ULK1: variants seen among roughly 807,000 people sequenced by gnomAD.
ULK1 encodes the protein serine/threonine-protein kinase ULK1.
ULK1 carries 48 observed loss-of-function variants against 117.5 expected under a neutral mutation model. The observed-to-expected ratio is 0.41, with a 90% CI of 0.32 to 0.52. The LOEUF (loss-of-function observed/expected upper bound fraction) is 0.52, where lower values mean the gene tolerates loss of function less well. Ranked by LOEUF, ULK1 falls within the 20% of genes least tolerant of loss-of-function variation. The pLI, the probability that ULK1 is intolerant of heterozygous loss-of-function variation, is 0.29. For missense variants in ULK1, 1,387 were observed against 1,473.4 expected (o/e 0.94, Z 0.96); for synonymous variants, 790 against 637.8 (o/e 1.24, Z -3.60).
intron 6 of ULK1, 35 bp downstream of exon 6, chr12:131,908,852 G>A: frequency 1.9e-6 from 3 of 1,606,590 alleles, no homozygotes; most frequent in Non-Finnish European, 2.5e-6. Context: ...GCCCGGCGGG[G>A]AGGGGCTCCG....
At chr12:131,905,125 C>G (rs534431451) in intron 3 of ULK1, among the ~76,000 whole-genome samples, 32 of 152,258 alleles carry the variant, frequency 2.1e-4, no homozygotes, top group African/African-American at 6.7e-4. Context: ...GGGTCTCCCT[C>G]TGGGCCGGCC....
At position 131,921,020 on chromosome 12, in the gene ULK1, G is replaced by A. The variant is rs184682458; in HGVS notation, c.2962-80G>A. The A allele has an allele frequency of 2.8e-4, 407 of 1,475,134 alleles. 1 individual carries two copies. In the African/African-American group the frequency reaches 4.6e-3, roughly 17 times the overall value. The allele number at this position is 1,475,134 out of a possible 1,614,324, so 91.4% of individuals were successfully genotyped here. A position where few individuals can be genotyped will look rare whatever the true frequency, so the allele number is the denominator to read the frequency against. On this transcript the variant is annotated intron_variant, in intron 26 of 27. Coordinates refer to ENST00000321867, the MANE Select transcript of ULK1 (RefSeq NM_003565.4). ...AGCGCCTATCTGCCACCCCTGGGCCGCTGCCGTGGGTGCAGGGCAGCCCTT... is the reference window on the plus strand; with the variant it reads ...AGCGCCTATCTGCCACCCCTGGGCCACTGCCGTGGGTGCAGGGCAGCCCTT...
chr12:131,898,752 C>T (rs1888973175), intron 3 of ULK1, among the ~76,000 whole-genome samples: 1 of 152,128 alleles, frequency 6.6e-6, no homozygotes, highest in Admixed American at 6.5e-5. Context: ...CCACCTCGGC[C>T]TCCCAAAGTG....
rs776800945 is a variant in ULK1, at chr12:131,920,039, T to G, written c.2864T>G (p.Leu955Arg). Reference sequence around the variant, plus strand: ...GTGGTGTCCTGCCAGGGCCTGAGCCTGCGGCTGCAGCGCTTCTTCCTGGAC... The same window carrying G: ...GTGGTGTCCTGCCAGGGCCTGAGCCGGCGGCTGCAGCGCTTCTTCCTGGAC... Reference protein sequence around the residue: ...ASVVSCQGLSLRLQRFFLDKQ... With the variant: ...ASVVSCQGLSRRLQRFFLDKQ... The change falls in exon 26 of 28, where the codon CTG becomes CGG. Residue 955 changes from leucine (L) to arginine (R), a missense_variant. This residue lies in a region of ULK1 where 900 missense variants were observed against 858.9 expected (regional missense o/e 1.05). Transcript: ENST00000321867. 21 of 1,612,840 alleles carry G rather than the reference T, an allele frequency of 1.3e-5. No homozygotes were observed. The highest frequency in any genetic ancestry group is 1.8e-5 in the Non-Finnish European group (21 of 1,179,962).
chr12:131,895,517 C>T (rs1346500202), intron 1 of ULK1, 84 bp from the exon 2 acceptor site: 8 of 1,188,896 alleles, frequency 6.7e-6, no homozygotes, highest in Non-Finnish European at 9.8e-6. Context: ...GGGATCATCT[C>T]AGGGCCCCAC....
At chr12:131,910,574 G>C (rs895607077) in intron 11 of ULK1, 138 bp from the exon 12 acceptor site, 9 of 1,563,686 alleles carry the variant, frequency 5.8e-6, no homozygotes, top group African/African-American at 5.4e-5. Flanking sequence ...CCAGGAGGGA[G>C]CCTCCCTCCT....
At chr12:131,914,301 G>C in intron 15 of ULK1, 51 bp from the exon 16 acceptor site, 2 of 1,591,400 alleles carry the variant, frequency 1.3e-6, no homozygotes, top group Non-Finnish European at 1.7e-6. Context: ...CATGACCTCA[G>C]CCTCTTGTGA....
In ULK1 at chr12:131,894,923, C is replaced by A. The variant is rs1431267101; in HGVS notation, c.-79C>A. ...CGGCCCCGCGCCCCCGGCCCGCCCG[C>A]CCCGGCCCGCGCCTCCGCCTGAGTC... On this transcript the variant is annotated 5_prime_UTR_variant, in exon 1 of 28. Coordinates refer to ENST00000321867, the MANE Select transcript of ULK1 (RefSeq NM_003565.4). 7.8e-6 allele frequency: 2 copies of A among 257,718 alleles called. No homozygotes were observed. Among genetic ancestry groups the A allele is most frequent in the African/African-American group, 4.9e-5 (2 of 40,666 alleles). The allele number at this position is 257,718 out of a possible 1,614,324, so 16.0% of individuals were successfully genotyped here.
At chr12:131,917,147 GGA>G (rs1566126632) in intron 21 of ULK1, 85 bp downstream of exon 21, 8 of 693,534 alleles carry the variant, frequency 1.2e-5, no homozygotes, top group African/African-American at 9.5e-5. Context: ...GATGGGGGTC[GGA>G]GGCTGTGGGA....
At position 131,895,078 on chromosome 12, in the gene ULK1, C is replaced by G. The variant is rs1211401439; in HGVS notation, c.77C>G (p.Ala26Gly). 2 of 1,578,860 alleles carry G rather than the reference C, an allele frequency of 1.3e-6. No homozygotes were observed. The change falls in exon 1 of 28, where the codon GCC becomes GGC. Residue 26 changes from alanine to glycine, a missense_variant. By Grantham distance (60) the Ala-to-Gly change is moderately conservative. Around this residue, in one of 4 missense-constraint regions of ULK1, gnomAD observed 224 missense variants for 325.2 expected, o/e 0.69. Transcript: ENST00000321867. Reference sequence around the variant, plus strand: ...CGCAAGGACCTGATCGGCCACGGCGCCTTCGCGGTGGTCTTCAAGGGCCGC... The same window carrying G: ...CGCAAGGACCTGATCGGCCACGGCGGCTTCGCGGTGGTCTTCAAGGGCCGC... ...FSRKDLIGHG[A>G]FAVVFKGRHR...
At chr12:131,914,316 A>C in intron 15 of ULK1, 36 bp from the exon 16 acceptor site, 3 of 1,600,884 alleles carry the variant, frequency 1.9e-6, no homozygotes, top group Non-Finnish European at 2.5e-6. Context: ...TTGTGACCCC[A>C]GTGTCTGTCA....
At chr12:131,895,219 G>C (rs1163241244) in intron 1 of ULK1, 107 bp downstream of exon 1, 2 of 818,294 alleles carry the variant, frequency 2.4e-6, no homozygotes, top group Admixed American at 3.9e-5. Context: ...CCTCCCGAGA[G>C]CCCCACTCGA....
rs760932944 is a variant in ULK1 at position 131,912,023 on chromosome 12, T to C, written c.1030T>C (p.Ser344Pro). 16 of 1,612,756 alleles carry C rather than the reference T, an allele frequency of 9.9e-6. No homozygotes were observed. The South Asian group carries it at 1.8e-4, about 18-fold the overall frequency. ...TAGFLHSSRD[S>P]GGSKDSSCDT... ...TGGCTTCCTGCACAGCTCCCGGGAC[T>C]CTGGTGGCAGCAAGGACTCTTCCTG... is the stretch of plus-strand genomic sequence containing the variant. Residue 344 changes from serine to proline, a missense_variant, in exon 13 of 28, where the codon TCT (serine) becomes CCT (proline). Physicochemically the swap from Ser to Pro is moderately conservative, Grantham distance 74. Around this residue, in one of 4 missense-constraint regions of ULK1, gnomAD observed 260 missense variants for 271.6 expected, o/e 0.96. Coordinates refer to ENST00000321867, the MANE Select transcript of ULK1 (RefSeq NM_003565.4).
At chr12:131,916,732 CAGAG>C in intron 20 of ULK1, 141 bp downstream of exon 20, 1 of 1,220,350 alleles carries the variant, frequency 8.2e-7, no homozygotes, top group Non-Finnish European at 1.1e-6. Flanking sequence ...GGCTGGGTGC[CAGAG>C]AGCCTGGCCC....
intron 25 of ULK1, 115 bp from the exon 26 acceptor site, chr12:131,919,864 G>A: frequency 6.9e-7 from 1 of 1,443,314 alleles, no homozygotes; most frequent in Non-Finnish European, 9.3e-7. Flanking sequence ...CGGGGAGCCA[G>A]GGCTGTGGCA....
chr12:131,918,632 G>A lies in ULK1; in HGVS notation c.2462G>A (p.Gly821Glu). Reference protein sequence around the residue: ...FADPITANLEGAVTFEAPDLP... With the variant: ...FADPITANLEEAVTFEAPDLP... ...GACCCCATTACTGCGAACCTGGAGG[G>A]GGCTGTGACCTTCGAGGCCCCCGAC... Residue 821 changes from glycine (G) to glutamate (E), a missense_variant, in exon 23 of 28, where the codon GGG (glycine) becomes GAG (glutamate). Physicochemically the swap from Gly to Glu is moderately conservative, Grantham distance 98 (BLOSUM62 -2). Transcript: ENST00000321867. 1 of 1,610,086 alleles carries A rather than the reference G, an allele frequency of 6.2e-7. No homozygotes were observed. The highest frequency in any genetic ancestry group is 1.1e-5 in the South Asian group (1 of 90,658).
intron 3 of ULK1, 126 bp from the exon 4 acceptor site, chr12:131,906,766 C>T (rs553336827): frequency 3.7e-5 from 45 of 1,204,356 alleles, no homozygotes; most frequent in African/African-American, 3.3e-4. Flanking sequence ...GTCTCCCGGC[C>T]GCTGGCTGAC....
In ULK1 at chr12:131,920,084, G is replaced by T. The variant is rs369823883; in HGVS notation, c.2909G>T (p.Arg970Leu). The T allele has an allele frequency of 2.0e-5, 33 of 1,612,784 alleles. No individual in the cohort carries two copies. The highest frequency in any genetic ancestry group is 2.8e-5 in the Non-Finnish European group (33 of 1,179,944). ...FFLDKQRLLD[R>L]IHSITAERLI... Reference sequence around the variant, plus strand: ...CTGGACAAGCAGCGGCTCCTGGACCGCATTCACAGCATCACTGCCGAGAGG... The same window carrying T: ...CTGGACAAGCAGCGGCTCCTGGACCTCATTCACAGCATCACTGCCGAGAGG... Residue 970 changes from arginine to leucine, a missense_variant, in exon 26 of 28, where the codon CGC becomes CTC. Physicochemically the swap from Arg to Leu is moderately radical, Grantham distance 102. Around this residue, in one of 4 missense-constraint regions of ULK1, gnomAD observed 900 missense variants for 858.9 expected, o/e 1.05. Transcript: ENST00000321867.
Position 131,915,832 on chromosome 12 carries a change from T to C in ULK1, c.1610-59T>C. On this transcript the variant is annotated intron_variant, in intron 18 of 27. Coordinates refer to ENST00000321867, the MANE Select transcript of ULK1 (RefSeq NM_003565.4). ...CCCAAGGGGCTCCGTGTGGTAGCAG[T>C]GGGGCCTAGGGCTGGGCCGCCGGAC... is the stretch of plus-strand genomic sequence containing the variant. 5 of 1,593,910 alleles carry C rather than the reference T, an allele frequency of 3.1e-6. No individual in the cohort carries two copies. In the South Asian group the frequency reaches 3.3e-5, roughly 11 times the overall value.
Sources: gnomAD v4.1 joint callset for allele counts (sites outside exome capture counted in the v4.1 genomes callset) on GRCh38, gnomAD v4.1.1 for gene constraint, gnomAD v4.1.1 regional missense constraint, MANE v1.5 for transcripts, NCBI Gene and HGNC (gene_info 2026-07-23, HGNC 2026-07-21) for gene names.